RGL1: variants seen among roughly 807,000 people sequenced by gnomAD.
The protein encoded by RGL1 is ral guanine nucleotide dissociation stimulator-like 1.
A neutral mutation model predicts 95.2 loss-of-function variants in RGL1; 24 were observed. That is an observed-to-expected ratio of 0.25 (90% CI 0.18 to 0.35). The LOEUF is 0.35. Among genes scored for constraint, RGL1 ranks in the 10% least tolerant of loss-of-function variants. The probability of loss-of-function intolerance (pLI) is 1.00; values close to 1 mark genes in which losing one functional copy is unlikely to be tolerated. For missense variants in RGL1, 715 were observed against 936.3 expected (o/e 0.76, Z 3.08); for synonymous variants, 329 against 344.9 (o/e 0.95, Z 0.51).
At chr1:183,898,297 A>G (rs1259556440) in intron 10 of RGL1, among the ~76,000 whole-genome samples, 1 of 152,174 alleles carries the variant, frequency 6.6e-6, no homozygotes, top group Non-Finnish European at 1.5e-5. Flanking sequence ...CCAAGGAGAA[A>G]GAGTGTCTTC....
intron 2 of RGL1, among the ~76,000 whole-genome samples, chr1:183,781,702 A>G (rs1659913837): frequency 6.6e-6 from 1 of 152,182 alleles, no homozygotes; most frequent in African/African-American, 2.4e-5. Context: ...GTCATTCTAT[A>G]CCTGGCATTT....
intron 1 of RGL1, among the ~76,000 whole-genome samples, chr1:183,740,425 A>C (rs1032579588): frequency 6.6e-6 from 1 of 152,222 alleles, no homozygotes; most frequent in African/African-American, 2.4e-5. Context: ...GAGCATGGGA[A>C]GCCCCAGAGC....
At chr1:183,641,554 G>GC (rs144754165) in intron 1 of RGL1, among the ~76,000 whole-genome samples, 65 of 151,740 alleles carry the variant, frequency 4.3e-4, no homozygotes, top group East Asian at 1.5e-3. Flanking sequence ...ACAGGCATGA[G>GC]CCCCCCCCAC....
chr1:183,902,728 A>G, intron 12 of RGL1, 128 bp downstream of exon 12: 1 of 795,214 alleles, frequency 1.3e-6, no homozygotes, highest in East Asian at 2.6e-5. Context: ...ATCATATACC[A>G]TTTTGCTTGG....
intron 16 of RGL1, among the ~76,000 whole-genome samples, chr1:183,918,985 C>G (rs1572605101): frequency 6.6e-6 from 1 of 152,310 alleles, no homozygotes; most frequent in East Asian, 1.9e-4. Flanking sequence ...ACTAGCAGTT[C>G]TCAAACTTTT....
At chr1:183,908,867 C>T (rs755608036) in intron 14 of RGL1, among the ~76,000 whole-genome samples, 1 of 152,226 alleles carries the variant, frequency 6.6e-6, no homozygotes, top group Non-Finnish European at 1.5e-5. Context: ...TCCCCATCCT[C>T]ATTTCTATGC....
chr1:183,775,160 T>C (rs1018373090), intron 2 of RGL1, among the ~76,000 whole-genome samples: 1 of 152,254 alleles, frequency 6.6e-6, no homozygotes, highest in Non-Finnish European at 1.5e-5. Context: ...TTGGCAATAC[T>C]CACTGTCTCA....
intron 1 of RGL1, among the ~76,000 whole-genome samples, chr1:183,666,665 G>C (rs983476509): frequency 6.6e-6 from 1 of 152,118 alleles, no homozygotes; most frequent in African/African-American, 2.4e-5. Flanking sequence ...GAATTTTCCA[G>C]CTATCTTTCT....
chr1:183,872,101 C>A (rs1282553186), intron 4 of RGL1, among the ~76,000 whole-genome samples: 3 of 152,152 alleles, frequency 2.0e-5, no homozygotes, highest in South Asian at 2.1e-4. Context: ...CTACCCGTGC[C>A]CTTTTCCTGC....
chr1:183,785,405 G>T (rs1029481022), intron 2 of RGL1, among the ~76,000 whole-genome samples: 18 of 152,036 alleles, frequency 1.2e-4, no homozygotes, highest in African/African-American at 4.4e-4. Context: ...TCAGCTGTAG[G>T]CATACCTGAC....
chr1:183,828,652 T>G (rs1057081583), intron 2 of RGL1, among the ~76,000 whole-genome samples: 1 of 152,230 alleles, frequency 6.6e-6, no homozygotes, highest in Non-Finnish European at 1.5e-5. Context: ...CTGAGATTAT[T>G]GTGAGTATCA....
At position 183,830,886 on chromosome 1, in the gene RGL1, C is replaced by G. The variant is rs12097273; in HGVS notation, c.139-16680C>G. On this transcript the variant is annotated intron_variant, in intron 2 of 17. Coordinates refer to ENST00000360851, the MANE Select transcript of RGL1 (RefSeq NM_001297671.3). ...CAGATTTTTGTATTTTTCAAGGTATCCATGGAGTTTCGCATGCATTGAATT... is the reference window on the plus strand; with the variant it reads ...CAGATTTTTGTATTTTTCAAGGTATGCATGGAGTTTCGCATGCATTGAATT... 9.5e-4 allele frequency among the ~76,000 whole-genome samples: 144 copies of G among 152,232 alleles called. 1 individual carries two copies. The East Asian group carries it at 0.022, about 23-fold the overall frequency.
At chr1:183,780,273 C>T (rs535164467) in intron 2 of RGL1, among the ~76,000 whole-genome samples, 7 of 152,234 alleles carry the variant, frequency 4.6e-5, no homozygotes, top group South Asian at 2.1e-4. Flanking sequence ...TCCTCCTTGT[C>T]GTCAAGGGCA....
At chr1:183,882,120 G>T (rs1666856856) in intron 5 of RGL1, among the ~76,000 whole-genome samples, 2 of 152,260 alleles carry the variant, frequency 1.3e-5, no homozygotes, top group South Asian at 2.1e-4. Flanking sequence ...GAAGAAGCAA[G>T]CTCTCCTATA....
intron 2 of RGL1, among the ~76,000 whole-genome samples, chr1:183,814,769 C>G (rs996189850): frequency 5.9e-5 from 9 of 152,166 alleles, no homozygotes; most frequent in African/African-American, 1.9e-4. Flanking sequence ...CTGAATCTCT[C>G]CGCAACCCTC....
intron 1 of RGL1, among the ~76,000 whole-genome samples, chr1:183,645,678 T>G (rs1650241676): frequency 6.6e-6 from 1 of 152,236 alleles, no homozygotes; most frequent in South Asian, 2.1e-4. Flanking sequence ...AGGATCTCAC[T>G]TTGTGGAACT....
chr1:183,828,277 G>A (rs1012740598), intron 2 of RGL1, among the ~76,000 whole-genome samples: 1 of 152,086 alleles, frequency 6.6e-6, no homozygotes, highest in Non-Finnish European at 1.5e-5. Context: ...GTCTTCAAAC[G>A]GTTTCAGTAA....
chr1:183,786,754 C>A (rs1239123421), intron 2 of RGL1, among the ~76,000 whole-genome samples: 5 of 152,124 alleles, frequency 3.3e-5, no homozygotes, highest in Non-Finnish European at 7.4e-5. Flanking sequence ...TATTCTGATA[C>A]TTGGAGTCAA....
At chr1:183,825,221 G>A (rs988780380) in intron 2 of RGL1, among the ~76,000 whole-genome samples, 6 of 152,192 alleles carry the variant, frequency 3.9e-5, no homozygotes, top group African/African-American at 1.4e-4. Flanking sequence ...CATGCTGGAA[G>A]GGTTTCTGGA....
Sources: gnomAD v4.1 joint callset for allele counts (sites outside exome capture counted in the v4.1 genomes callset) on GRCh38, gnomAD v4.1.1 for gene constraint, MANE v1.5 for transcripts, NCBI Gene and HGNC (gene_info 2026-07-23, HGNC 2026-07-21) for gene names.